STRN3: variants seen among roughly 807,000 people sequenced by gnomAD.
STRN3 encodes the protein striatin-3.
STRN3 carries 29 observed loss-of-function variants against 95.6 expected under a neutral mutation model. The observed-to-expected ratio is 0.30, with a 90% CI of 0.23 to 0.41. The LOEUF is 0.41. Among genes scored for constraint, STRN3 ranks in the 10% least tolerant of loss-of-function variants. The probability of loss-of-function intolerance (pLI) is 1.00; values close to 1 mark genes in which losing one functional copy is unlikely to be tolerated. For missense variants in STRN3, 890 were observed against 972.1 expected (o/e 0.92, Z 1.12); for synonymous variants, 331 against 357.6 (o/e 0.93, Z 0.84).
At chr14:30,914,392 G>A (rs1354369980) in intron 9 of STRN3, among the ~76,000 whole-genome samples, 8 of 151,866 alleles carry the variant, frequency 5.3e-5, no homozygotes, top group Non-Finnish European at 1.0e-4. Flanking sequence ...TTGCTCTGTC[G>A]CCCAGGCTGG....
intron 1 of STRN3, among the ~76,000 whole-genome samples, chr14:30,968,015 G>C (rs907327679): frequency 6.6e-6 from 1 of 152,106 alleles, no homozygotes; most frequent in Non-Finnish European, 1.5e-5. Flanking sequence ...CTCCTCAAAC[G>C]TGTGAGCTAT....
intron 1 of STRN3, 49 bp from the exon 2 acceptor site, chr14:30,956,291 T>A: frequency 1.3e-6 from 2 of 1,535,348 alleles, no homozygotes; most frequent in South Asian, 1.1e-5. Flanking sequence ...TAACCATACA[T>A]AGGAAACTGA....
At chr14:30,967,285 G>T (rs1377063086) in intron 1 of STRN3, among the ~76,000 whole-genome samples, 3 of 147,756 alleles carry the variant, frequency 2.0e-5, no homozygotes, top group Non-Finnish European at 4.5e-5. Flanking sequence ...GAGGCAGAGA[G>T]GGGGGAAAGA....
chr14:30,940,433 T>C (rs548869440), intron 5 of STRN3, among the ~76,000 whole-genome samples: 28 of 152,342 alleles, frequency 1.8e-4, no homozygotes, highest in African/African-American at 5.3e-4. Context: ...ATACAGTACT[T>C]GGCTCAGTAT....
chr14:30,963,276 G>GA (rs2139168511), intron 1 of STRN3, among the ~76,000 whole-genome samples: 1 of 152,226 alleles, frequency 6.6e-6, no homozygotes, highest in South Asian at 2.1e-4. Context: ...TAGAGGATCT[G>GA]AACACAACAA....
intron 9 of STRN3, among the ~76,000 whole-genome samples, chr14:30,914,582 C>G (rs1005849462): frequency 6.6e-6 from 1 of 152,024 alleles, no homozygotes; most frequent in African/African-American, 2.4e-5. Context: ...TGACTCCTGA[C>G]CTCAAGTGAT....
At chr14:31,011,552 A>G (rs1186829965) in intron 1 of STRN3, among the ~76,000 whole-genome samples, 1 of 152,202 alleles carries the variant, frequency 6.6e-6, no homozygotes, top group African/African-American at 2.4e-5. Context: ...CTGAGGCACA[A>G]GAATTGCTTT....
At chr14:30,952,324 C>G (rs1313423038) in intron 3 of STRN3, among the ~76,000 whole-genome samples, 1 of 152,116 alleles carries the variant, frequency 6.6e-6, no homozygotes, top group Non-Finnish European at 1.5e-5. Flanking sequence ...CTCTGTGAGG[C>G]TCCTAGACTC....
intron 16 of STRN3, among the ~76,000 whole-genome samples, chr14:30,901,300 A>AT (rs1397456795): frequency 9.9e-5 from 15 of 151,590 alleles, no homozygotes; most frequent in Admixed American, 5.9e-4. Flanking sequence ...AAATTTAAAT[A>AT]TTTTTTTTAA....
In STRN3 at chr14:30,895,214, TCCCA is replaced by T; in HGVS notation, c.*193_*196del. ...AAATACTGGAGTCCTTTTTTCTTTGTCCCACAAAATACAGTAATTACAGTTAACT... is the reference window on the plus strand; with the variant it reads ...AAATACTGGAGTCCTTTTTTCTTTGTCAAAATACAGTAATTACAGTTAACT... On this transcript the variant is annotated 3_prime_UTR_variant, in exon 18 of 18. Transcript: ENST00000357479. 2 of 595,720 alleles carry T rather than the reference TCCCA, an allele frequency of 3.4e-6. No individual in the cohort carries two copies. Among genetic ancestry groups the T allele is most frequent in the African/African-American group, 1.8e-5 (1 of 54,344 alleles). The allele number at this position is 595,720 out of a possible 1,614,324, so 36.9% of individuals were successfully genotyped here. A position where few individuals can be genotyped will look rare whatever the true frequency, so the allele number is the denominator to read the frequency against.
chr14:30,978,341 A>G (rs952012661), intron 1 of STRN3, among the ~76,000 whole-genome samples: 1 of 152,220 alleles, frequency 6.6e-6, no homozygotes, highest in African/African-American at 2.4e-5. Context: ...CTGTGTTAAT[A>G]TAACGCATCA....
chr14:30,977,794 G>GAAAAAAAAAA (rs869303485), intron 1 of STRN3, among the ~76,000 whole-genome samples: 1 of 109,926 alleles, frequency 9.1e-6, no homozygotes, highest in Non-Finnish European at 1.7e-5. Context: ...ACTCTATCTC[G>GAAAAAAAAAA]AAAAAAAAAA....
intron 1 of STRN3, among the ~76,000 whole-genome samples, chr14:30,958,976 T>C (rs759795436): frequency 6.6e-6 from 1 of 152,164 alleles, no homozygotes; most frequent in Admixed American, 6.5e-5. Context: ...AGGAAATAAT[T>C]TGCGAGAATT....
At chr14:31,018,453 ACCT>A (rs1883348553) in intron 1 of STRN3, 1 of 415,614 alleles carries the variant, frequency 2.4e-6, no homozygotes, top group Non-Finnish European at 4.7e-6. Flanking sequence ...CCTATGACAC[ACCT>A]CCTCCTGACT....
chr14:30,955,562 G>A (rs578063183), intron 3 of STRN3, 58 bp downstream of exon 3: 1 of 1,403,282 alleles, frequency 7.1e-7, no homozygotes, highest in South Asian at 1.3e-5. Flanking sequence ...AAGAGAACAT[G>A]TCTGTTACAT....
chr14:30,899,787 A>G (rs961941502), intron 16 of STRN3, among the ~76,000 whole-genome samples: 4 of 151,902 alleles, frequency 2.6e-5, no homozygotes, highest in African/African-American at 9.7e-5. Context: ...AGCCCACAGA[A>G]ATCAGGAACC....
At chr14:31,013,659 T>C (rs1883076803) in intron 1 of STRN3, among the ~76,000 whole-genome samples, 1 of 151,766 alleles carries the variant, frequency 6.6e-6, no homozygotes, top group Non-Finnish European at 1.5e-5. Context: ...AGTGGTGTGA[T>C]GATAGCTCAT....
At chr14:31,000,924 T>A (rs1194352737) in intron 1 of STRN3, among the ~76,000 whole-genome samples, 1 of 151,880 alleles carries the variant, frequency 6.6e-6, no homozygotes, top group African/African-American at 2.4e-5. Context: ...GAAAAGGGGA[T>A]GTGTGTGCAC....
chr14:31,002,182 AAAAAAAC>A (rs1417915111), intron 1 of STRN3, among the ~76,000 whole-genome samples: 7 of 142,098 alleles, frequency 4.9e-5, no homozygotes, highest in East Asian at 2.0e-4. Context: ...AAAAAAAAAA[AAAAAAAC>A]AAGGCCAGGC....
Sources: gnomAD v4.1 joint callset for allele counts (sites outside exome capture counted in the v4.1 genomes callset) on GRCh38, gnomAD v4.1.1 for gene constraint, MANE v1.5 for transcripts, NCBI Gene and HGNC (gene_info 2026-07-23, HGNC 2026-07-21) for gene names.